The following PCDH15 variants were observed in gnomAD, a reference collection of about 807,000 sequenced individuals.
The protein encoded by PCDH15 is protocadherin-15.
PCDH15 carries 129 observed loss-of-function variants against 178.5 expected under a neutral mutation model. The observed-to-expected ratio is 0.72, with a 90% confidence interval of 0.63 to 0.84. PCDH15 has a LOEUF of 0.84. Ranked by LOEUF, PCDH15 falls within the 40% of genes least tolerant of loss-of-function variation. The pLI, the probability that PCDH15 is intolerant of heterozygous loss-of-function variation, is 0.00. For synonymous variants in PCDH15, 800 were observed against 732.0 expected, an observed-to-expected ratio of 1.09 and a Z score of -1.50; for missense variants, 2,230 against 2,099.9, an observed-to-expected ratio of 1.06 and a Z score of -1.21.
At chr10:55,489,613 C>T (rs563168104) in intron 2 of PCDH15, among the ~76,000 whole-genome samples, 4 of 151,720 alleles carry the variant, frequency 2.6e-5, no homozygotes, top group East Asian at 2.0e-4. Flanking sequence ...ATCTGCTTAT[C>T]CAAGAGAGAT....
At chr10:55,470,841 AT>A (rs202205186) in intron 2 of PCDH15, among the ~76,000 whole-genome samples, 1,798 of 143,214 alleles carry the variant, frequency 0.013, 35 homozygotes, top group South Asian at 0.084. Context: ...CTAAACTCTG[AT>A]TTTTTTTTTT....
chr10:55,050,864 C>T (rs1204925176), intron 2 of PCDH15, among the ~76,000 whole-genome samples: 1 of 152,050 alleles, frequency 6.6e-6, no homozygotes, highest in East Asian at 1.9e-4. Flanking sequence ...CAAATTTCTT[C>T]AACTTACCAT....
At chr10:54,163,108 G>T (rs1695860949) in intron 13 of PCDH15, among the ~76,000 whole-genome samples, 1 of 152,090 alleles carries the variant, frequency 6.6e-6, no homozygotes, top group Non-Finnish European at 1.5e-5. Context: ...CACTCAGGTT[G>T]AACTTCACCT....
At chr10:54,311,383 A>G (rs950466940) in intron 8 of PCDH15, among the ~76,000 whole-genome samples, 3 of 152,110 alleles carry the variant, frequency 2.0e-5, no homozygotes, top group Non-Finnish European at 4.4e-5. Flanking sequence ...TTCAATTGAA[A>G]AAAATGCATA....
chr10:55,393,479 C>G (rs1588982827), intron 2 of PCDH15, among the ~76,000 whole-genome samples: 1 of 152,180 alleles, frequency 6.6e-6, no homozygotes, highest in South Asian at 2.1e-4. Flanking sequence ...AATGAACCCC[C>G]ATGTAACAAC....
intron 15 of PCDH15, among the ~76,000 whole-genome samples, chr10:54,101,201 T>A (rs7897531): frequency 0.59 from 88,816 of 151,312 alleles, 26,719 homozygotes; most frequent in Middle Eastern, 0.68. Context: ...TCTGCCGCCA[T>A]GTGAGACATG....
At chr10:54,733,348 A>G (rs1236596596) in intron 1 of PCDH15, among the ~76,000 whole-genome samples, 1 of 151,584 alleles carries the variant, frequency 6.6e-6, no homozygotes, top group Non-Finnish European at 1.5e-5. Context: ...CTTTAAGTCA[A>G]AAACTGTAAC....
intron 2 of PCDH15, among the ~76,000 whole-genome samples, chr10:55,433,673 T>G (rs1838946793): frequency 7.8e-6 from 1 of 128,258 alleles, no homozygotes; most frequent in Non-Finnish European, 1.7e-5. Context: ...ATCCAATGTA[T>G]CATTCATTTT....
chr10:55,373,564 C>A (rs1845554825), intron 2 of PCDH15, among the ~76,000 whole-genome samples: 1 of 151,756 alleles, frequency 6.6e-6, no homozygotes, highest in South Asian at 2.1e-4. Flanking sequence ...ATGTCCAGTG[C>A]CCAAGGAAAA....
At chr10:54,761,884 A>T (rs1947923300) in intron 1 of PCDH15, among the ~76,000 whole-genome samples, 7 of 152,264 alleles carry the variant, frequency 4.6e-5, no homozygotes, top group Admixed American at 3.9e-4. Context: ...ATTATTCATA[A>T]GTAATTGGAG....
intron 2 of PCDH15, among the ~76,000 whole-genome samples, chr10:55,403,208 T>C (rs993554710): frequency 6.6e-6 from 1 of 151,802 alleles, no homozygotes; most frequent in African/African-American, 2.4e-5. Flanking sequence ...TGGGCTTTTT[T>C]ATTTTTATAT....
intron 2 of PCDH15, among the ~76,000 whole-genome samples, chr10:55,061,892 T>C (rs1030706944): frequency 6.6e-6 from 1 of 152,018 alleles, no homozygotes; most frequent in Non-Finnish European, 1.5e-5. Context: ...TGGTAGCGAG[T>C]GCCTGCAGTC....
intron 2 of PCDH15, among the ~76,000 whole-genome samples, chr10:55,111,623 C>T (rs910513643): frequency 5.9e-5 from 9 of 152,066 alleles, no homozygotes; most frequent in African/African-American, 2.2e-4. Flanking sequence ...GCAGGCAGAT[C>T]ACCTGAGGTG....
chr10:54,052,045 G>C (rs2093787256), intron 18 of PCDH15, among the ~76,000 whole-genome samples: 1 of 152,224 alleles, frequency 6.6e-6, no homozygotes, highest in South Asian at 2.1e-4. Flanking sequence ...CCTCTGCCTA[G>C]ATTTCAGAGG....
intron 23 of PCDH15, among the ~76,000 whole-genome samples, chr10:53,948,507 T>C (rs2086758509): frequency 6.6e-6 from 1 of 152,182 alleles, no homozygotes; most frequent in South Asian, 2.1e-4. Flanking sequence ...TAAAATCATG[T>C]GTGAAAAGTT....
intron 1 of PCDH15, among the ~76,000 whole-genome samples, chr10:55,178,934 G>A (rs1472553662): frequency 6.6e-6 from 1 of 152,100 alleles, no homozygotes; most frequent in Non-Finnish European, 1.5e-5. Context: ...TCTTTCACAA[G>A]GGTGAAACTG....
Position 54,195,719 on chromosome 10 carries a change from A to T in PCDH15, c.1269T>A (p.Pro423=). The T allele has an allele frequency of 6.2e-7, 1 of 1,614,040 alleles. No homozygotes were observed. The highest frequency in any genetic ancestry group is 8.5e-7 in the Non-Finnish European group (1 of 1,179,950). The part of the protein sequence containing the change: ...TISDSLNLTS[P]LRIVALDKDI... ...CCTTGTCCAGAGCTACTATTCTTAA[A>T]GGTGAAGTCAAATTGAGACTGTCCG... The change falls in exon 11 of 38, where the codon CCT becomes CCA. Residue 423 remains proline (P), a synonymous_variant. Transcript: ENST00000644397.
At chr10:55,086,614 A>G (rs1267006929) in intron 2 of PCDH15, among the ~76,000 whole-genome samples, 1 of 152,088 alleles carries the variant, frequency 6.6e-6, no homozygotes, top group Non-Finnish European at 1.5e-5. Context: ...AGGAAAGAGC[A>G]ATGAGACCAG....
intron 1 of PCDH15, among the ~76,000 whole-genome samples, chr10:55,234,255 A>G (rs1841310611): frequency 6.6e-6 from 1 of 152,160 alleles, no homozygotes; most frequent in Admixed American, 6.5e-5. Context: ...TTTCTTTGAC[A>G]TGAAAGTTAC....
Sources: gnomAD v4.1 joint callset for allele counts (sites outside exome capture counted in the v4.1 genomes callset) on GRCh38, gnomAD v4.1.1 for gene constraint, MANE v1.5 for transcripts, NCBI Gene and HGNC (gene_info 2026-07-23, HGNC 2026-07-21) for gene names.